Variants in PHF21A observed in about 807,000 individuals in gnomAD.
PHF21A encodes BHC80a.
PHF21A carries 11 observed loss-of-function variants against 82.5 expected under a neutral mutation model. The observed-to-expected ratio is 0.13, with a 90% confidence interval of 0.08 to 0.22. The LOEUF (loss-of-function observed/expected upper bound fraction) is 0.22. Ranked by LOEUF, PHF21A falls within the 10% of genes least tolerant of loss-of-function variation. The pLI is 1.00. For synonymous variants in PHF21A, 297 were observed against 302.8 expected, an observed-to-expected ratio of 0.98 and a Z score of 0.20; for missense variants, 579 against 837.8, an observed-to-expected ratio of 0.69 and a Z score of 3.81.
intron 1 of PHF21A, among the ~76,000 whole-genome samples, chr11:46,094,769 G>A (rs2096971168): frequency 6.6e-6 from 1 of 152,080 alleles, no homozygotes; most frequent in Non-Finnish European, 1.5e-5. Flanking sequence ...GTATGGTGGT[G>A]TGCACCTGTA....
chr11:46,117,353 T>TAA (rs1851625739), intron 1 of PHF21A: 1 of 152,212 alleles, frequency 6.6e-6, no homozygotes, highest in South Asian at 2.1e-4. Flanking sequence ...CCATGTGCTA[T>TAA]AAATGCTATG....
intron 6 of PHF21A, among the ~76,000 whole-genome samples, chr11:45,987,427 C>T (rs551757168): frequency 4.0e-5 from 6 of 151,502 alleles, no homozygotes; most frequent in African/African-American, 7.3e-5. Flanking sequence ...TTTGGGAGGC[C>T]GAGGTGGGCG....
intron 6 of PHF21A, among the ~76,000 whole-genome samples, chr11:46,046,995 A>G (rs941306855): frequency 2.0e-5 from 3 of 152,242 alleles, no homozygotes; most frequent in African/African-American, 4.8e-5. Context: ...TTTACCTCTG[A>G]TAAAGTTTAA....
At chr11:46,006,771 A>C (rs1413531285) in intron 6 of PHF21A, among the ~76,000 whole-genome samples, 1 of 152,240 alleles carries the variant, frequency 6.6e-6, no homozygotes, top group Non-Finnish European at 1.5e-5. Context: ...ATACTTGCCT[A>C]CAATAAAAAT....
chr11:46,119,212 C>G lies in PHF21A; in HGVS notation c.-237+1723G>C, dbSNP rs576471086. 2.6e-5 allele frequency among the ~76,000 whole-genome samples: 4 copies of G among 152,206 alleles called. No individual in the cohort carries two copies. The South Asian group carries it at 6.2e-4, about 24-fold the overall frequency. On this transcript the variant is annotated intron_variant, in intron 1 of 18. Coordinates refer to ENST00000676320, the MANE Select transcript of PHF21A (RefSeq NM_001352027.3). ...TCTTCCCTCTCTAACTTTCCCAGCT[C>G]GAGCATCTACATTCCTGACACCGAC... is the stretch of plus-strand genomic sequence containing the variant.
intron 6 of PHF21A, among the ~76,000 whole-genome samples, chr11:46,028,300 C>T (rs960116828): frequency 6.6e-6 from 1 of 152,070 alleles, no homozygotes; most frequent in African/African-American, 2.4e-5. Context: ...GAAACAATCT[C>T]ATATTAATTT....
At chr11:46,080,089 G>A (rs1392600920) in intron 4 of PHF21A, among the ~76,000 whole-genome samples, 1 of 151,956 alleles carries the variant, frequency 6.6e-6, no homozygotes, top group Non-Finnish European at 1.5e-5. Flanking sequence ...ACTCTCTTTT[G>A]GTGACAAGGC....
At chr11:46,047,107 C>T (rs2096269825) in intron 6 of PHF21A, among the ~76,000 whole-genome samples, 1 of 152,168 alleles carries the variant, frequency 6.6e-6, no homozygotes, top group Non-Finnish European at 1.5e-5. Flanking sequence ...ATAAATATCA[C>T]TAGGGACAAA....
chr11:46,025,569 A>G (rs910231624), intron 6 of PHF21A, among the ~76,000 whole-genome samples: 1 of 152,244 alleles, frequency 6.6e-6, no homozygotes, highest in Non-Finnish European at 1.5e-5. Context: ...GTATCCTAAG[A>G]AAATTCCAAT....
intron 14 of PHF21A, 156 bp from the exon 15 acceptor site, chr11:45,946,159 G>A: frequency 6.5e-7 from 1 of 1,536,112 alleles, no homozygotes; most frequent in Admixed American, 1.8e-5. Context: ...CCCAAAGGAA[G>A]GAAGAGAAGC....
chr11:45,936,608 T>C, intron 16 of PHF21A, 39 bp from the exon 17 acceptor site: 1 of 1,296,596 alleles, frequency 7.7e-7, no homozygotes, highest in Non-Finnish European at 1.1e-6. Flanking sequence ...AGAAGGAGGT[T>C]TAAACACACA....
chr11:45,955,926 T>C (rs1292593075), intron 10 of PHF21A, among the ~76,000 whole-genome samples: 1 of 152,214 alleles, frequency 6.6e-6, no homozygotes, highest in African/African-American at 2.4e-5. Context: ...GCCTTAAAAT[T>C]ACTGCAGCTC....
intron 10 of PHF21A, among the ~76,000 whole-genome samples, chr11:45,955,659 T>G (rs568430068): frequency 2.0e-5 from 3 of 152,274 alleles, no homozygotes; most frequent in Non-Finnish European, 2.9e-5. Flanking sequence ...TACAATTATC[T>G]CAGTGTTATA....
chr11:46,070,946 G>A (rs1430362272), intron 6 of PHF21A, among the ~76,000 whole-genome samples: 1 of 152,100 alleles, frequency 6.6e-6, no homozygotes, highest in Non-Finnish European at 1.5e-5. Flanking sequence ...ATCAATATAT[G>A]CTATTAATGT....
intron 10 of PHF21A, among the ~76,000 whole-genome samples, chr11:45,957,252 A>G (rs1014370021): frequency 6.6e-6 from 1 of 152,188 alleles, no homozygotes; most frequent in African/African-American, 2.4e-5. Context: ...AAAAGGACAT[A>G]GGGAACTTGA....
intron 14 of PHF21A, among the ~76,000 whole-genome samples, chr11:45,946,760 G>C (rs770079017): frequency 1.5e-4 from 23 of 152,128 alleles, no homozygotes; most frequent in Non-Finnish European, 2.6e-4. Flanking sequence ...ATGATTCTCA[G>C]TTCCCACAAA....
intron 6 of PHF21A, among the ~76,000 whole-genome samples, chr11:46,046,956 G>T (rs1454830014): frequency 3.9e-5 from 6 of 152,238 alleles, no homozygotes; most frequent in African/African-American, 1.4e-4. Context: ...CTAGATTGAG[G>T]ATGACATGGG....
intron 6 of PHF21A, among the ~76,000 whole-genome samples, chr11:46,036,321 A>T (rs1375365252): frequency 7.9e-5 from 12 of 152,226 alleles, no homozygotes; most frequent in Admixed American, 7.2e-4. Flanking sequence ...CTAAGATGCC[A>T]GTACGACACT....
chr11:45,943,184 G>A (rs137946119), intron 15 of PHF21A, among the ~76,000 whole-genome samples: 1,505 of 146,124 alleles, frequency 0.01, 10 homozygotes, highest in Middle Eastern at 0.024. Context: ...GTGCAGTGGC[G>A]CAATCATGGC....
Sources: gnomAD v4.1 joint callset for allele counts (sites outside exome capture counted in the v4.1 genomes callset) on GRCh38, gnomAD v4.1.1 for gene constraint, MANE v1.5 for transcripts, NCBI Gene and HGNC (gene_info 2026-07-23, HGNC 2026-07-21) for gene names.